Variants in ARID1B observed in about 807,000 individuals in gnomAD.
ARID1B encodes the protein AT-rich interactive domain-containing protein 1B.
In ARID1B, 30 loss-of-function variants were observed where a neutral mutation model predicts 212.3. The ratio of observed to expected loss-of-function variants is 0.14; its 90% CI spans 0.11 to 0.19. The LOEUF is 0.19. Among genes scored for constraint, ARID1B ranks in the 10% least tolerant of loss-of-function variants. The pLI is 1.00. For synonymous variants in ARID1B, 1,402 were observed against 1,301.7 expected (o/e 1.08, Z -1.66); for missense variants, 2,891 against 3,204.0 (o/e 0.90, Z 2.36).
At chr6:157,020,190 G>T (rs1488478867) in intron 4 of ARID1B, among the ~76,000 whole-genome samples, 1 of 152,196 alleles carries the variant, frequency 6.6e-6, no homozygotes, top group Admixed American at 6.5e-5. Flanking sequence ...ATAATATTTA[G>T]AAAATAAATT....
intron 2 of ARID1B, among the ~76,000 whole-genome samples, chr6:156,850,085 A>G (rs981168687): frequency 4.0e-5 from 6 of 149,652 alleles, no homozygotes; most frequent in Non-Finnish European, 8.9e-5. Flanking sequence ...GCCCCGGGAG[A>G]GCATATCTGG....
chr6:157,191,527 C>G (rs1479551323), intron 15 of ARID1B, among the ~76,000 whole-genome samples: 1 of 152,022 alleles, frequency 6.6e-6, no homozygotes, highest in Non-Finnish European at 1.5e-5. Context: ...ATCCTTGAGA[C>G]AGAGAGTGCA....
chr6:157,120,957 TTTCTC>T (rs1787669018), intron 6 of ARID1B, among the ~76,000 whole-genome samples: 1 of 152,222 alleles, frequency 6.6e-6, no homozygotes, highest in African/African-American at 2.4e-5. Context: ...TGTTTGCTGA[TTTCTC>T]TTTCATGGGT....
chr6:157,082,556 C>G (rs1204763294), intron 4 of ARID1B, among the ~76,000 whole-genome samples: 1 of 152,094 alleles, frequency 6.6e-6, no homozygotes, highest in Non-Finnish European at 1.5e-5. Context: ...TGGATTTTTT[C>G]TGGAACTGCA....
At chr6:157,152,305 C>T (rs1472565893) in intron 8 of ARID1B, 2 of 152,128 alleles carry the variant, frequency 1.3e-5, no homozygotes, top group Admixed American at 1.3e-4. Flanking sequence ...GGCAGAAAAT[C>T]GATGTTAGCT....
At chr6:156,809,523 A>T (rs999752220) in intron 1 of ARID1B, among the ~76,000 whole-genome samples, 1 of 152,100 alleles carries the variant, frequency 6.6e-6, no homozygotes, top group Admixed American at 6.6e-5. Flanking sequence ...GTAATTATGC[A>T]TGCTTAAAGG....
rs556211395 is a variant in ARID1B at position 157,207,132 on chromosome 6, A to G, written c.6360A>G (p.Lys2120=). ...AGCGAGCACCGCAGACCTATGAGAA[A>G]GAGGAGGATGAGGACAAGGGGGTGG... The part of the protein sequence containing the change: ...ERKRAPQTYE[K]EEDEDKGVAC... The change falls in exon 20 of 20, where the codon AAA becomes AAG. Residue 2120 remains lysine, a synonymous_variant. Transcript: ENST00000636930. The surrounding 1 kb of genome is among the most constrained non-coding windows in gnomAD (Gnocchi z 8.5). The G allele has an allele frequency of 7.4e-6, 12 of 1,614,184 alleles. No homozygotes were observed. The African/African-American group carries it at 1.3e-4, about 18-fold the overall frequency.
Position 157,208,688 on chromosome 6 carries a change from T to TTAAACATAC in ARID1B, c.*798_*806dup, listed in dbSNP as rs1305805098. ...CTGTGATGTATATAGAAGTTGTACATTAAACATACCCTCATTTTTTTCTTT... is the reference window on the plus strand; with the variant it reads ...CTGTGATGTATATAGAAGTTGTACATTAAACATACTAAACATACCCTCATTTTTTTCTTT... On this transcript the variant is annotated 3_prime_UTR_variant, in exon 20 of 20. Coordinates refer to ENST00000636930, the MANE Select transcript of ARID1B (RefSeq NM_001374828.1). 1 of 228,946 alleles carries TTAAACATAC rather than the reference T, an allele frequency of 4.4e-6. No homozygotes were observed. Among genetic ancestry groups the TTAAACATAC allele is most frequent in the Non-Finnish European group, 8.6e-6 (1 of 115,728 alleles). The allele number at this position is 228,946 out of a possible 1,614,324, so 14.2% of individuals were successfully genotyped here.
chr6:157,024,546 G>C (rs1780532686), intron 4 of ARID1B: 1 of 152,210 alleles, frequency 6.6e-6, no homozygotes, highest in Admixed American at 6.5e-5. Flanking sequence ...CAGATCACTT[G>C]AGGTCAGGAG....
At chr6:157,112,341 A>G (rs1238566556) in intron 6 of ARID1B, among the ~76,000 whole-genome samples, 1 of 151,884 alleles carries the variant, frequency 6.6e-6, no homozygotes, top group African/African-American at 2.4e-5. Flanking sequence ...ACTGGTGCCA[A>G]GCAAGCGTGA....
chr6:157,075,315 T>C (rs1427445664), intron 4 of ARID1B, among the ~76,000 whole-genome samples: 1 of 152,262 alleles, frequency 6.6e-6, no homozygotes, highest in East Asian at 1.9e-4. Context: ...CATTTCCATC[T>C]GTAATCTAGT....
chr6:157,045,693 T>C (rs1364284512), intron 4 of ARID1B, among the ~76,000 whole-genome samples: 1 of 152,230 alleles, frequency 6.6e-6, no homozygotes, highest in Non-Finnish European at 1.5e-5. Context: ...GAACTCATAA[T>C]CTTATGAACT....
intron 4 of ARID1B, among the ~76,000 whole-genome samples, chr6:157,000,704 T>A (rs955255438): frequency 7.6e-5 from 11 of 145,214 alleles, no homozygotes; most frequent in African/African-American, 2.6e-4. Flanking sequence ...TTCTTTTTTT[T>A]TTTTTTTTTT....
In ARID1B at chr6:156,871,500, T is replaced by G. The variant is rs1367003538; in HGVS notation, c.1987-29876T>G. ...TACAGATGGGGACCTGAGGTTTTCTTGGAGTGATTAAGTTGCTCAAGGTCA... is the reference window on the plus strand; with the variant it reads ...TACAGATGGGGACCTGAGGTTTTCTGGGAGTGATTAAGTTGCTCAAGGTCA... On this transcript the variant is annotated intron_variant, in intron 2 of 19. Transcript: ENST00000636930. 4.6e-6 allele frequency: 4 copies of G among 863,362 alleles called. No homozygotes were observed. In the East Asian group the frequency reaches 1.1e-4, roughly 23 times the overall value. The allele number at this position is 863,362 out of a possible 1,614,324, so 53.5% of individuals were successfully genotyped here.
rs138658149 is a variant in ARID1B, at chr6:157,206,727, A to G, written c.5955A>G (p.Lys1985=). ...SAGRKKEQEG[K]GDSEEQQEKS... is the part of the protein sequence containing the mutation. The stretch of plus-strand genomic sequence containing the variant: ...GTAGAAAGAAAGAGCAAGAAGGCAA[A>G]GGCGACTCTGAAGAGCAGCAAGAGA... Residue 1985 remains lysine (K), a synonymous_variant, in exon 20 of 20, where the codon AAA becomes AAG. Coordinates refer to ENST00000636930, the MANE Select transcript of ARID1B (RefSeq NM_001374828.1). This position sits in a 1 kb window ranked among gnomAD's most constrained non-coding sequence, Gnocchi z 6.8. 8 of 1,612,890 alleles carry G rather than the reference A, an allele frequency of 5.0e-6. No individual in the cohort carries two copies. In the African/African-American group the frequency reaches 1.1e-4, roughly 22 times the overall value.
intron 4 of ARID1B, among the ~76,000 whole-genome samples, chr6:156,998,156 G>A (rs893749845): frequency 6.6e-6 from 1 of 151,658 alleles, no homozygotes; most frequent in African/African-American, 2.4e-5. Flanking sequence ...ACAGTAGAGT[G>A]TGCCTAGATC....
intron 2 of ARID1B, among the ~76,000 whole-genome samples, chr6:156,846,021 G>T (rs971330336): frequency 6.6e-6 from 1 of 151,462 alleles, no homozygotes; most frequent in Non-Finnish European, 1.5e-5. Flanking sequence ...CTCTTATTTC[G>T]TGGCTACAAT....
chr6:156,879,078 C>T (rs893634395), intron 2 of ARID1B, among the ~76,000 whole-genome samples: 91 of 152,318 alleles, frequency 6.0e-4, no homozygotes, highest in African/African-American at 2.1e-3. Flanking sequence ...GGCTCTCCTC[C>T]GCACCAGCCT....
At chr6:157,021,490 C>G (rs993890712) in intron 4 of ARID1B, among the ~76,000 whole-genome samples, 1 of 152,206 alleles carries the variant, frequency 6.6e-6, no homozygotes, top group Non-Finnish European at 1.5e-5. Context: ...TCCTTTCGGC[C>G]CGACCCGGGC....
Sources: gnomAD v4.1 joint callset for allele counts (sites outside exome capture counted in the v4.1 genomes callset) on GRCh38, gnomAD v4.1.1 for gene constraint, Gnocchi (gnomAD v3.1) non-coding constraint, MANE v1.5 for transcripts, NCBI Gene and HGNC (gene_info 2026-07-23, HGNC 2026-07-21) for gene names.